SERPINE2: variants seen among roughly 807,000 people sequenced by gnomAD.
SERPINE2 encodes the protein serpin family E member 2, also known as glia-derived nexin.
In SERPINE2, 14 loss-of-function variants were observed where a neutral mutation model predicts 36.3. That is an observed-to-expected ratio of 0.39 (90% CI 0.25 to 0.60). The LOEUF (loss-of-function observed/expected upper bound fraction) is 0.60. Among genes scored for constraint, SERPINE2 ranks in the 20% least tolerant of loss-of-function variants. SERPINE2 has a pLI of 0.57. For missense variants in SERPINE2, 418 were observed against 499.6 expected (o/e 0.84, Z 1.56); for synonymous variants, 192 against 191.8 (o/e 1.00, Z -0.01).
At position 223,975,695 on chromosome 2, in the gene SERPINE2, C is replaced by T; in HGVS notation, c.*172G>A. On this transcript the variant is annotated 3_prime_UTR_variant, in exon 9 of 9. Transcript: ENST00000409304. Reference sequence around the variant, plus strand: ...TTCCAGCCATCCTGCTTGTTTTTTCCCTCCAATACCTCCCAGAACAGAAAC... The same window carrying T: ...TTCCAGCCATCCTGCTTGTTTTTTCTCTCCAATACCTCCCAGAACAGAAAC... 2.0e-6 allele frequency: 1 copy of T among 512,652 alleles called. No individual in the cohort carries two copies. The highest frequency in any genetic ancestry group is 3.5e-6 in the Non-Finnish European group (1 of 286,364). 31.8% of individuals were successfully genotyped at this position (512,652 alleles called of 1,614,324 possible). A position where few individuals can be genotyped will look rare whatever the true frequency, so the allele number is the denominator to read the frequency against.
intron 1 of SERPINE2, among the ~76,000 whole-genome samples, chr2:224,015,007 G>C (rs1233115546): frequency 6.6e-6 from 1 of 151,650 alleles, no homozygotes; most frequent in Admixed American, 6.6e-5. Flanking sequence ...TCACCACTAG[G>C]TGGGGGCCAG....
At chr2:224,011,527 A>C (rs1691622540) in intron 1 of SERPINE2, among the ~76,000 whole-genome samples, 1 of 152,212 alleles carries the variant, frequency 6.6e-6, no homozygotes. Flanking sequence ...CATGAACATG[A>C]TTTCTCTGAT....
rs560627510 is a variant in SERPINE2, at chr2:223,975,702, T to C, written c.*165A>G. 7.4e-6 allele frequency: 4 copies of C among 541,970 alleles called. No homozygotes were observed. The South Asian group carries it at 1.1e-4, about 15-fold the overall frequency. 33.6% of individuals were successfully genotyped at this position (541,970 alleles called of 1,614,324 possible). On this transcript the variant is annotated 3_prime_UTR_variant, in exon 9 of 9. Transcript: ENST00000409304. ...CATCCTGCTTGTTTTTTCCCTCCAA[T>C]ACCTCCCAGAACAGAAACACTTGCA...
At chr2:224,016,478 C>T (rs1434434557) in intron 1 of SERPINE2, among the ~76,000 whole-genome samples, 5 of 148,508 alleles carry the variant, frequency 3.4e-5, no homozygotes, top group Admixed American at 1.4e-4. Flanking sequence ...TGCACTCCAG[C>T]CTGGGCGACA....
intron 5 of SERPINE2, among the ~76,000 whole-genome samples, chr2:223,984,283 T>C (rs908806993): frequency 7.2e-5 from 11 of 152,220 alleles, no homozygotes; most frequent in Non-Finnish European, 1.6e-4. Context: ...TTTGTCTTAC[T>C]CTTAGGGTAT....
chr2:223,983,405 G>A (rs1252223316), intron 5 of SERPINE2, among the ~76,000 whole-genome samples: 3 of 151,950 alleles, frequency 2.0e-5, no homozygotes, highest in Admixed American at 6.6e-5. Context: ...AAGCACCCAC[G>A]ACCATGCCTG....
At position 224,030,922 on chromosome 2, in the gene SERPINE2, T is replaced by C. The variant is rs183722508; in HGVS notation, c.-23+8177A>G. 8.0e-4 allele frequency: 786 copies of C among 978,874 alleles called. 3 individuals are homozygous for C. The African/African-American group carries it at 0.011, about 14-fold the overall frequency. 60.6% of individuals were successfully genotyped at this position (978,874 alleles called of 1,614,324 possible). ...GATTTCAGTCCCAGAAAAAAACAAG[T>C]GTCTGAGGAAGGAACTAGGGGGCCA... On this transcript the variant is annotated intron_variant, in intron 1 of 8. Transcript: ENST00000409304.
intron 1 of SERPINE2, among the ~76,000 whole-genome samples, chr2:224,024,307 C>A (rs1371983793): frequency 6.6e-6 from 1 of 152,192 alleles, no homozygotes; most frequent in Non-Finnish European, 1.5e-5. Context: ...CCTCTTCCTG[C>A]CAAGCAAGCA....
chr2:224,038,390 C>T, intron 1 of SERPINE2: 1 of 948,346 alleles, frequency 1.1e-6, no homozygotes, highest in Non-Finnish European at 1.7e-6. Flanking sequence ...AGGTGGAGTG[C>T]TGTCTTATGT....
intron 1 of SERPINE2, among the ~76,000 whole-genome samples, chr2:224,008,185 T>C (rs1415431964): frequency 2.0e-5 from 3 of 152,228 alleles, no homozygotes; most frequent in Non-Finnish European, 2.9e-5. Context: ...CAGTAGACGG[T>C]AGCTGACTGT....
chr2:224,036,391 G>A (rs1692536502), intron 1 of SERPINE2, among the ~76,000 whole-genome samples: 1 of 151,116 alleles, frequency 6.6e-6, no homozygotes, highest in South Asian at 2.1e-4. Context: ...CAAATGCCAC[G>A]GAGAAACCTA....
intron 3 of SERPINE2, among the ~76,000 whole-genome samples, chr2:223,993,875 A>T (rs887543798): frequency 9.2e-5 from 14 of 152,220 alleles, no homozygotes; most frequent in African/African-American, 3.4e-4. Flanking sequence ...ATAAACAGAC[A>T]TCATTCAACT....
intron 1 of SERPINE2, among the ~76,000 whole-genome samples, chr2:224,009,594 C>G (rs1691553255): frequency 1.3e-5 from 2 of 152,036 alleles, no homozygotes; most frequent in Admixed American, 1.3e-4. Context: ...ACTCCAGAGG[C>G]TGAGGTGTGG....
At chr2:224,022,426 T>C (rs1388191520) in intron 1 of SERPINE2, among the ~76,000 whole-genome samples, 2 of 152,176 alleles carry the variant, frequency 1.3e-5, no homozygotes, top group African/African-American at 2.4e-5. Context: ...CATAACTTAG[T>C]GTTCTTCCTT....
At chr2:223,988,111 G>T (rs1241678041) in intron 4 of SERPINE2, among the ~76,000 whole-genome samples, 1 of 152,178 alleles carries the variant, frequency 6.6e-6, no homozygotes, top group Admixed American at 6.5e-5. Context: ...AACTGGGTGA[G>T]TATTGGTGCC....
intron 1 of SERPINE2, among the ~76,000 whole-genome samples, chr2:224,016,147 G>C (rs1691791624): frequency 6.6e-6 from 1 of 152,224 alleles, no homozygotes; most frequent in Admixed American, 6.5e-5. Flanking sequence ...AGGATGCAGA[G>C]AAACTGGATC....
At position 224,039,005 on chromosome 2, in the gene SERPINE2, G is replaced by A. The variant is rs2106210174; in HGVS notation, c.-23+94C>T. ...CTTCCCGGCCGGGCGCAAGGTCAGG[G>A]AGCAGGGCCGGTGGCGCGCGGAGCC... On this transcript the variant is annotated intron_variant, in intron 1 of 8. Transcript: ENST00000409304. The surrounding 1 kb of genome is among the most constrained non-coding windows in gnomAD (Gnocchi z 5.2). The A allele has an allele frequency of 6.6e-6, 1 of 152,498 alleles. No homozygotes were observed. Among genetic ancestry groups the A allele is most frequent in the Non-Finnish European group, 1.5e-5 (1 of 68,446 alleles). 9.4% of individuals were successfully genotyped at this position (152,498 alleles called of 1,614,324 possible).
chr2:223,982,776 G>C lies in SERPINE2; in HGVS notation c.890C>G (p.Thr297Arg). 6.2e-7 allele frequency: 1 copy of C among 1,611,082 alleles called. No individual in the cohort carries two copies. Among genetic ancestry groups the C allele is most frequent in the South Asian group, 1.1e-5 (1 of 90,550 alleles). ...KRVQVILPKFTAVAQTDLKEP... is the reference protein window; with the variant it reads ...KRVQVILPKFRAVAQTDLKEP... ...CTTCAAATCTGTTTGTGCTACAGCT[G>C]TGAACCTAGCATGAAAGCAGAAATG... The change falls in exon 6 of 9, where the codon ACA becomes AGA. Residue 297 changes from threonine (T) to arginine (R), a missense_variant. Physicochemically the swap from Thr to Arg is moderately conservative, Grantham distance 71 (BLOSUM62 -1). Transcript: ENST00000409304.
intron 1 of SERPINE2, among the ~76,000 whole-genome samples, chr2:224,035,239 A>G (rs1045143523): frequency 6.6e-6 from 1 of 152,188 alleles, no homozygotes; most frequent in Non-Finnish European, 1.5e-5. Flanking sequence ...CATGGGAGCC[A>G]GAACGCCACT....
Sources: gnomAD v4.1 joint callset for allele counts (sites outside exome capture counted in the v4.1 genomes callset) on GRCh38, gnomAD v4.1.1 for gene constraint, Gnocchi (gnomAD v3.1) non-coding constraint, MANE v1.5 for transcripts, NCBI Gene and HGNC (gene_info 2026-07-23, HGNC 2026-07-21) for gene names.